Variants in LIN28B observed in about 807,000 individuals in gnomAD.
LIN28B encodes the protein protein lin-28 homolog B.
A neutral mutation model predicts 21.9 loss-of-function variants in LIN28B; 5 were observed. The ratio of observed to expected loss-of-function variants is 0.23; its 90% CI spans 0.12 to 0.48. The LOEUF (loss-of-function observed/expected upper bound fraction) is 0.48, where lower values mean the gene tolerates loss of function less well. Ranked by LOEUF, LIN28B falls within the 20% of genes least tolerant of loss-of-function variation. The probability of loss-of-function intolerance (pLI) is 0.98; values close to 1 mark genes in which losing one functional copy is unlikely to be tolerated. For synonymous variants in LIN28B, 109 were observed against 111.3 expected (o/e 0.98, Z 0.13); for missense variants, 245 against 310.5 (o/e 0.79, Z 1.58).
At chr6:104,940,976 A>C (rs2114538700) in intron 2 of LIN28B, 1 of 150,762 alleles carries the variant, frequency 6.6e-6, no homozygotes, top group East Asian at 2.0e-4. Context: ...TCCCCCTCTC[A>C]CACCCAGGCT....
chr6:105,059,907 A>ATT (rs34165233), intron 3 of LIN28B, among the ~76,000 whole-genome samples: 1 of 143,078 alleles, frequency 7.0e-6, no homozygotes, highest in Admixed American at 6.9e-5. Flanking sequence ...ATGTTACTGT[A>ATT]TTTTTTTTTT....
chr6:105,014,323 ATAT>A (rs1582896152), intron 2 of LIN28B, among the ~76,000 whole-genome samples: 1 of 151,982 alleles, frequency 6.6e-6, no homozygotes, highest in Non-Finnish European at 1.5e-5. Flanking sequence ...AATTTAAAAA[ATAT>A]TTTATTTTTT....
Position 105,078,735 on chromosome 6 carries a change from A to T in LIN28B, c.705A>T (p.Glu235Asp). Residue 235 changes from glutamate to aspartate, a missense_variant, in exon 4 of 4, where the codon GAA becomes GAT. Physicochemically the swap from Glu to Asp is conservative, Grantham distance 45. Transcript: ENST00000345080. Reference sequence around the variant, plus strand: ...CCACGAAGTCATCTATAGCACCAGAAGAGCAAAGCAAAAAGGGGCCTTCAG... The same window carrying T: ...CCACGAAGTCATCTATAGCACCAGATGAGCAAAGCAAAAAGGGGCCTTCAG... ...ASSTKSSIAP[E>D]EQSKKGPSVQ... 1 of 1,614,144 alleles carries T rather than the reference A, an allele frequency of 6.2e-7. No homozygotes were observed. Among genetic ancestry groups the T allele is most frequent in the Non-Finnish European group, 8.5e-7 (1 of 1,180,010 alleles).
intron 2 of LIN28B, among the ~76,000 whole-genome samples, chr6:104,984,470 T>G (rs77535166): frequency 1.3e-5 from 2 of 151,980 alleles, no homozygotes; most frequent in South Asian, 2.1e-4. Flanking sequence ...TTTTTTTTTT[T>G]GTTGAGACAG....
intron 3 of LIN28B, among the ~76,000 whole-genome samples, chr6:105,036,856 ATATT>A (rs1213237503): frequency 2.0e-5 from 3 of 152,132 alleles, no homozygotes; most frequent in Non-Finnish European, 2.9e-5. Context: ...ATTAGATCAT[ATATT>A]TATTGTATGA....
intron 3 of LIN28B, among the ~76,000 whole-genome samples, chr6:105,032,059 A>T (rs768345986): frequency 2.0e-5 from 3 of 152,106 alleles, no homozygotes; most frequent in Non-Finnish European, 2.9e-5. Context: ...GCATTTTTTC[A>T]CTCAGCATAA....
intron 2 of LIN28B, among the ~76,000 whole-genome samples, chr6:105,019,515 A>G (rs999073465): frequency 6.6e-6 from 1 of 152,180 alleles, no homozygotes; most frequent in Non-Finnish European, 1.5e-5. Context: ...GTAGGTAGGA[A>G]TGGTATGTGA....
intron 2 of LIN28B, among the ~76,000 whole-genome samples, chr6:105,011,418 G>A (rs143104225): frequency 1.5e-3 from 233 of 152,218 alleles, no homozygotes; most frequent in Middle Eastern, 6.8e-3. Flanking sequence ...TTTAACTCCT[G>A]GGCCCAAGTG....
At chr6:105,010,292 G>T (rs1213836682) in intron 2 of LIN28B, among the ~76,000 whole-genome samples, 2 of 151,622 alleles carry the variant, frequency 1.3e-5, no homozygotes. Context: ...GAGCCTGGGA[G>T]GTGGAGGTTG....
At chr6:105,006,642 A>G (rs370609528) in intron 2 of LIN28B, among the ~76,000 whole-genome samples, 1 of 151,954 alleles carries the variant, frequency 6.6e-6, no homozygotes, top group African/African-American at 2.4e-5. Flanking sequence ...TATGACCCCA[A>G]ATTTTCAGTG....
intron 3 of LIN28B, among the ~76,000 whole-genome samples, chr6:105,050,793 A>AT (rs1021303951): frequency 2.0e-5 from 3 of 150,750 alleles, no homozygotes; most frequent in South Asian, 4.2e-4. Flanking sequence ...TTTTCTTAAA[A>AT]TTTTTTTTTC....
chr6:104,948,237 G>A (rs1162447077), intron 2 of LIN28B, among the ~76,000 whole-genome samples: 1 of 152,190 alleles, frequency 6.6e-6, no homozygotes, highest in African/African-American at 2.4e-5. Context: ...GGGAGGCCGA[G>A]GCGGGTGGAT....
chr6:104,970,790 T>C (rs1769961861), intron 2 of LIN28B, among the ~76,000 whole-genome samples: 1 of 152,130 alleles, frequency 6.6e-6, no homozygotes, highest in African/African-American at 2.4e-5. Context: ...ACATGTAAAA[T>C]ACAAGAGGGA....
intron 2 of LIN28B, among the ~76,000 whole-genome samples, chr6:105,001,561 A>G (rs558524194): frequency 9.8e-5 from 15 of 152,320 alleles, no homozygotes; most frequent in Admixed American, 5.9e-4. Context: ...TTTAGGTTTG[A>G]TAAGTATCAG....
intron 2 of LIN28B, among the ~76,000 whole-genome samples, chr6:105,003,232 T>C (rs898520712): frequency 9.2e-5 from 14 of 152,126 alleles, no homozygotes; most frequent in African/African-American, 3.1e-4. Flanking sequence ...CATTTTACGA[T>C]AGAGAAAAGT....
intron 3 of LIN28B, among the ~76,000 whole-genome samples, chr6:105,076,315 T>G (rs1334011360): frequency 6.6e-6 from 1 of 152,210 alleles, no homozygotes; most frequent in Non-Finnish European, 1.5e-5. Context: ...GCCCATCTTA[T>G]AAATTCATTA....
chr6:105,066,447 AG>A (rs1772221969), intron 3 of LIN28B, among the ~76,000 whole-genome samples: 1 of 152,188 alleles, frequency 6.6e-6, no homozygotes, highest in Non-Finnish European at 1.5e-5. Flanking sequence ...GCAAACAACC[AG>A]TATAAATTTG....
intron 2 of LIN28B, among the ~76,000 whole-genome samples, chr6:104,985,489 ATATT>A: frequency 6.6e-6 from 1 of 152,238 alleles, no homozygotes; most frequent in Middle Eastern, 3.4e-3. Context: ...AGTTCTTTAT[ATATT>A]CTTGATAGTA....
intron 2 of LIN28B, among the ~76,000 whole-genome samples, chr6:104,961,788 T>A (rs1769744787): frequency 6.6e-6 from 1 of 152,222 alleles, no homozygotes; most frequent in Non-Finnish European, 1.5e-5. Flanking sequence ...ACCAGTTTCT[T>A]ATGTTTTTTA....
Sources: allele counts gnomAD v4.1 joint callset (sites outside exome capture counted in the v4.1 genomes callset), GRCh38; gene constraint gnomAD v4.1.1; transcripts MANE v1.5; gene names NCBI Gene and HGNC (gene_info 2026-07-23, HGNC 2026-07-21).